Variants in CPQ observed in about 807,000 individuals in gnomAD.
CPQ encodes the protein carboxypeptidase Q.
Under a neutral mutation model 45.7 loss-of-function variants are expected in CPQ, and 37 were observed. The ratio of observed to expected loss-of-function variants is 0.81; its 90% CI spans 0.62 to 1.07. The LOEUF is 1.07. Among genes scored for constraint, CPQ ranks in the 50% least tolerant of loss-of-function variants. The probability of loss-of-function intolerance (pLI) is 0.00; values close to 1 mark genes in which losing one functional copy is unlikely to be tolerated. For synonymous variants in CPQ, 186 were observed against 205.8 expected, an observed-to-expected ratio of 0.90 and a Z score of 0.82; for missense variants, 537 against 572.9, an observed-to-expected ratio of 0.94 and a Z score of 0.64.
intron 5 of CPQ, among the ~76,000 whole-genome samples, chr8:97,018,456 G>C (rs1275889086): frequency 2.6e-5 from 4 of 152,142 alleles, no homozygotes; most frequent in African/African-American, 9.7e-5. Flanking sequence ...GTACCAGAGA[G>C]AAACAAAGCC....
At chr8:96,813,609 G>A (rs2130830938) in intron 2 of CPQ, among the ~76,000 whole-genome samples, 1 of 152,258 alleles carries the variant, frequency 6.6e-6, no homozygotes, top group South Asian at 2.1e-4. Context: ...GGCCAGAGCT[G>A]GACTTGCTTT....
intron 4 of CPQ, among the ~76,000 whole-genome samples, chr8:96,925,583 A>T (rs545611968): frequency 8.5e-5 from 13 of 152,232 alleles, no homozygotes; most frequent in Admixed American, 3.3e-4. Flanking sequence ...GGGTTTTGCC[A>T]GGTTAGCCAG....
At chr8:96,652,516 T>C (rs1563692387) in intron 1 of CPQ, among the ~76,000 whole-genome samples, 1 of 152,238 alleles carries the variant, frequency 6.6e-6, no homozygotes. Context: ...GATCATATGA[T>C]AGTTCTATCT....
At chr8:96,996,823 C>T (rs1318613683) in intron 5 of CPQ, among the ~76,000 whole-genome samples, 1 of 151,910 alleles carries the variant, frequency 6.6e-6, no homozygotes, top group African/African-American at 2.4e-5. Flanking sequence ...TCATTCTTTT[C>T]AAAGACTTTA....
intron 6 of CPQ, among the ~76,000 whole-genome samples, chr8:97,062,213 C>G (rs1461178337): frequency 6.6e-6 from 1 of 152,114 alleles, no homozygotes; most frequent in African/African-American, 2.4e-5. Flanking sequence ...GGTTTAAAGG[C>G]CTTTTCTTTA....
chr8:96,695,500 G>T (rs1187931790), intron 1 of CPQ, among the ~76,000 whole-genome samples: 1 of 151,936 alleles, frequency 6.6e-6, no homozygotes, highest in Non-Finnish European at 1.5e-5. Flanking sequence ...AGAGTGAACA[G>T]GCAACCTACA....
At chr8:96,919,461 GTACT>G (rs1185754413) in intron 4 of CPQ, among the ~76,000 whole-genome samples, 2 of 151,972 alleles carry the variant, frequency 1.3e-5, no homozygotes, top group African/African-American at 4.8e-5. Flanking sequence ...TCCTCAATGT[GTACT>G]TACTTAAATC....
chr8:97,139,253 A>T (rs865860219), intron 7 of CPQ, among the ~76,000 whole-genome samples: 4 of 152,208 alleles, frequency 2.6e-5, no homozygotes, highest in East Asian at 1.9e-4. Flanking sequence ...AATATATTTT[A>T]AAAAATTACT....
At chr8:96,997,824 T>C (rs182593399) in intron 5 of CPQ, among the ~76,000 whole-genome samples, 1 of 152,136 alleles carries the variant, frequency 6.6e-6, no homozygotes, top group East Asian at 1.9e-4. Flanking sequence ...GAGAACAATA[T>C]TAAGTCTTAA....
At chr8:96,968,829 A>G (rs1253792432) in intron 5 of CPQ, among the ~76,000 whole-genome samples, 1 of 152,244 alleles carries the variant, frequency 6.6e-6, no homozygotes, top group Non-Finnish European at 1.5e-5. Flanking sequence ...ATTATATTCA[A>G]TTAATCTAAC....
intron 2 of CPQ, among the ~76,000 whole-genome samples, chr8:96,802,351 G>A (rs565580176): frequency 3.9e-5 from 6 of 152,244 alleles, no homozygotes; most frequent in East Asian, 3.9e-4. Context: ...AAGCTGGTGA[G>A]TACATATTTT....
At chr8:97,001,438 G>T (rs1359291440) in intron 5 of CPQ, among the ~76,000 whole-genome samples, 2 of 152,032 alleles carry the variant, frequency 1.3e-5, no homozygotes, top group African/African-American at 4.8e-5. Flanking sequence ...AGTTTATTGA[G>T]ATTTTTTAAC....
chr8:96,762,457 A>G (rs992045321), intron 1 of CPQ, among the ~76,000 whole-genome samples: 1 of 152,228 alleles, frequency 6.6e-6, no homozygotes, highest in African/African-American at 2.4e-5. Context: ...TAGCCTCTCA[A>G]TAAAAGTTAC....
At chr8:97,138,809 T>G (rs1812105262) in intron 7 of CPQ, among the ~76,000 whole-genome samples, 1 of 152,062 alleles carries the variant, frequency 6.6e-6, no homozygotes. Flanking sequence ...AACTTTAGAC[T>G]TATTAAGATG....
At position 97,057,518 on chromosome 8, in the gene CPQ, G is replaced by A. The variant is rs1006782178; in HGVS notation, c.1054-8491G>A. On this transcript the variant is annotated intron_variant, in intron 6 of 7. Coordinates refer to ENST00000220763, the MANE Select transcript of CPQ (RefSeq NM_016134.4). ...GAGAGCTCAGTAATACATCAATCAC[G>A]CTCTCACATTGGCAGCCACAAGCTA... Among the ~76,000 whole-genome samples, 15 of 152,168 alleles carry A rather than the reference G, an allele frequency of 9.9e-5. No individual in the cohort carries two copies. The South Asian group carries it at 2.5e-3, about 25-fold the overall frequency.
chr8:96,824,624 A>G (rs962547274), intron 2 of CPQ, among the ~76,000 whole-genome samples: 15 of 152,126 alleles, frequency 9.9e-5, no homozygotes, highest in African/African-American at 2.9e-4. Context: ...GGGGATTACA[A>G]ATGGTCCACA....
intron 1 of CPQ, among the ~76,000 whole-genome samples, chr8:96,777,806 G>T (rs1199965217): frequency 9.9e-6 from 1 of 101,144 alleles, no homozygotes; most frequent in Non-Finnish European, 1.8e-5. Flanking sequence ...TGGACTCACT[G>T]CAAACTCTGC....
At chr8:96,998,951 C>CATGA (rs1809222629) in intron 5 of CPQ, among the ~76,000 whole-genome samples, 1 of 151,996 alleles carries the variant, frequency 6.6e-6, no homozygotes, top group Non-Finnish European at 1.5e-5. Context: ...AAAGAAGGTA[C>CATGA]ATGATACTAG....
At chr8:96,871,103 T>C (rs1409536759) in intron 3 of CPQ, among the ~76,000 whole-genome samples, 1 of 152,056 alleles carries the variant, frequency 6.6e-6, no homozygotes, top group East Asian at 1.9e-4. Context: ...TGATTTCTTA[T>C]TGGTGCCAGC....
Sources: allele counts gnomAD v4.1 joint callset (sites outside exome capture counted in the v4.1 genomes callset), GRCh38; gene constraint gnomAD v4.1.1; transcripts MANE v1.5; gene names NCBI Gene and HGNC (gene_info 2026-07-23, HGNC 2026-07-21).